PIEZO1: variants seen among roughly 807,000 people sequenced by gnomAD.
PIEZO1 encodes piezo-type mechanosensitive ion channel component 1.
A neutral mutation model predicts 297.2 loss-of-function variants in PIEZO1; 296 were observed. The ratio of observed to expected loss-of-function variants is 1.00; its 90% CI spans 0.91 to 1.10. The LOEUF (loss-of-function observed/expected upper bound fraction) is 1.10. Among genes scored for constraint, PIEZO1 ranks in the 50% least tolerant of loss-of-function variants. PIEZO1 has a pLI of 0.00. For missense variants in PIEZO1, 5,018 were observed against 3,455.5 expected, an observed-to-expected ratio of 1.45 and a Z score of -11.34; for synonymous variants, 2,427 against 1,507.5, an observed-to-expected ratio of 1.61 and a Z score of -14.13.
At chr16:88,782,757 G>C (rs1215176816) in intron 1 of PIEZO1, among the ~76,000 whole-genome samples, 1 of 152,214 alleles carries the variant, frequency 6.6e-6, no homozygotes, top group East Asian at 1.9e-4. Flanking sequence ...CCCACCTCCG[G>C]CCAGGCCAGC....
Position 88,734,010 on chromosome 16 carries a change from T to C in PIEZO1, c.2225A>G (p.Gln742Arg), listed in dbSNP as rs1361051875. 1 of 1,548,146 alleles carries C rather than the reference T, an allele frequency of 6.5e-7. No homozygotes were observed. Among genetic ancestry groups the C allele is most frequent in the Admixed American group, 2.0e-5 (1 of 50,866 alleles). The change falls in exon 17 of 51, where the codon CAG becomes CGG. Residue 742 changes from glutamine to arginine, a missense_variant. Physicochemically the swap from Gln to Arg is conservative, Grantham distance 43. Coordinates refer to ENST00000301015, the MANE Select transcript of PIEZO1 (RefSeq NM_001142864.4). ...CTCCTGCTGCTGCTGCTGATGCTCC[T>C]GCTGCTCCTCCCGCAGCAGTGGGGT... Reference protein sequence around the residue: ...SGTPLLREEQQEHQQQQQEEE... With the variant: ...SGTPLLREEQREHQQQQQEEE...
intron 2 of PIEZO1, among the ~76,000 whole-genome samples, chr16:88,747,974 C>G (rs1906151611): frequency 6.6e-6 from 1 of 152,234 alleles, no homozygotes; most frequent in East Asian, 1.9e-4. Context: ...AAAAACGCAG[C>G]CCGGTGGACA....
Position 88,720,096 on chromosome 16 carries a change from A to C in PIEZO1, c.6137T>G (p.Phe2046Cys). Residue 2046 changes from phenylalanine (F) to cysteine (C), a missense_variant, in exon 42 of 51, where the codon TTC (phenylalanine) becomes TGC (cysteine). Transcript: ENST00000301015. The stretch of plus-strand genomic sequence containing the variant: ...CTCAGTGACGGCGGGCAGGATGAAG[A>C]ACATCCATAGGTGGATGGCCAGCAC... ...ALVLAIHLWMFFILPAVTERM... is the reference protein window; with the variant it reads ...ALVLAIHLWMCFILPAVTERM... 6.5e-7 allele frequency: 1 copy of C among 1,550,344 alleles called. No homozygotes were observed. Among genetic ancestry groups the C allele is most frequent in the Middle Eastern group, 1.7e-4 (1 of 5,992 alleles).
At chr16:88,750,832 C>T (rs1013028662) in intron 1 of PIEZO1, among the ~76,000 whole-genome samples, 1 of 152,194 alleles carries the variant, frequency 6.6e-6, no homozygotes, top group African/African-American at 2.4e-5. Flanking sequence ...GCGCCAGCAG[C>T]CCATCCTCCA....
At chr16:88,752,620 A>G (rs1351977646) in intron 1 of PIEZO1, among the ~76,000 whole-genome samples, 2 of 151,916 alleles carry the variant, frequency 1.3e-5, no homozygotes, top group African/African-American at 4.8e-5. Context: ...GGGGCTGAGG[A>G]TGGAGATGAG....
chr16:88,721,378 T>G lies in PIEZO1; in HGVS notation c.5456A>C (p.Lys1819Thr). The stretch of plus-strand genomic sequence containing the variant: ...GGCTCCCTGCTCCTCCTCGCCGCTC[T>G]TGTCATGCTCCTTGGATGGTGAGTC... ...EEDSPSKEHD[K>T]SGEEEQGAEE... The change falls in exon 39 of 51, where the codon AAG becomes ACG. Residue 1819 changes from lysine (K) to threonine (T), a missense_variant. Physicochemically the swap from Lys to Thr is moderately conservative, Grantham distance 78. Transcript: ENST00000301015. 2 of 1,549,874 alleles carry G rather than the reference T, an allele frequency of 1.3e-6. No individual in the cohort carries two copies. Among genetic ancestry groups the G allele is most frequent in the East Asian group, 2.4e-5 (1 of 40,902 alleles).
At chr16:88,777,583 T>C (rs1482485243) in intron 1 of PIEZO1, among the ~76,000 whole-genome samples, 1 of 152,248 alleles carries the variant, frequency 6.6e-6, no homozygotes, top group Admixed American at 6.5e-5. Context: ...GCAGGGGCAG[T>C]GGGATGGACG....
Position 88,722,390 on chromosome 16 carries a change from C to T in PIEZO1, c.4783G>A (p.Gly1595Ser), listed in dbSNP as rs1209071804. 1 of 1,501,844 alleles carries T rather than the reference C, an allele frequency of 6.7e-7. No homozygotes were observed. The highest frequency in any genetic ancestry group is 8.9e-7 in the Non-Finnish European group (1 of 1,121,166). 93.0% of individuals were successfully genotyped at this position (1,501,844 alleles called of 1,614,324 possible). A position where few individuals can be genotyped will look rare whatever the true frequency, so the allele number is the denominator to read the frequency against. ...NAPSTVSSGLGAEEPLSSMTD... is the reference protein window; with the variant it reads ...NAPSTVSSGLSAEEPLSSMTD... ...ATGCTGCTGAGTGGCTCCTCCGCGC[C>T]CAGCCCACTGGGGAGGGAAGCCGAG... Residue 1595 changes from glycine (G) to serine (S), a missense_variant, in exon 36 of 51, where the codon GGC becomes AGC. Coordinates refer to ENST00000301015, the MANE Select transcript of PIEZO1 (RefSeq NM_001142864.4).
chr16:88,774,207 G>C (rs550062036), intron 1 of PIEZO1, among the ~76,000 whole-genome samples: 3 of 152,292 alleles, frequency 2.0e-5, no homozygotes, highest in East Asian at 3.9e-4. Context: ...GCGACGCCCA[G>C]TGACTCCCTG....
In PIEZO1 at chr16:88,738,026, A is replaced by C; in HGVS notation, c.928T>G (p.Trp310Gly). The C allele has an allele frequency of 6.5e-7, 1 of 1,535,670 alleles. No individual in the cohort carries two copies. Among genetic ancestry groups the C allele is most frequent in the Non-Finnish European group, 8.7e-7 (1 of 1,146,756 alleles). Residue 310 changes from tryptophan to glycine, a missense_variant, in exon 8 of 51, where the codon TGG becomes GGG. By Grantham distance (184) the Trp-to-Gly change is radical. Coordinates refer to ENST00000301015, the MANE Select transcript of PIEZO1 (RefSeq NM_001142864.4). ...HALVLNTGLD[W>G]PVYASPGVLL... ...ACGCCGGGGCTGGCATACACAGGCCAGTCCAGGCCGGTGTTGAGGACCAGC... is the reference window on the plus strand; with the variant it reads ...ACGCCGGGGCTGGCATACACAGGCCCGTCCAGGCCGGTGTTGAGGACCAGC...
At chr16:88,777,059 G>A (rs780795235) in intron 1 of PIEZO1, among the ~76,000 whole-genome samples, 13 of 150,894 alleles carry the variant, frequency 8.6e-5, no homozygotes, top group African/African-American at 2.7e-4. Flanking sequence ...TGCAAACTCC[G>A]TCTCCCGGAT....
rs1335902413 is a variant in PIEZO1, at chr16:88,716,053, C to G, written c.7196G>C (p.Gly2399Ala). 2.6e-6 allele frequency: 4 copies of G among 1,550,094 alleles called. No homozygotes were observed. Among genetic ancestry groups the G allele is most frequent in the African/African-American group, 2.7e-5 (2 of 73,062 alleles). ...CTCGATGACCCACCATTCGAGGAAG[C>G]CGGTGGCCCCCGCACCCTGCTCCCT... is the stretch of plus-strand genomic sequence containing the variant. Reference protein sequence around the residue: ...LRREQGAGATGFLEWWVIELQ... With the variant: ...LRREQGAGATAFLEWWVIELQ... The change falls in exon 50 of 51, where the codon GGC (glycine) becomes GCC (alanine). Residue 2399 changes from glycine (G) to alanine (A), a missense_variant. Transcript: ENST00000301015.
rs1254574443 is a variant in PIEZO1 at position 88,721,325 on chromosome 16, T to C, written c.5509A>G (p.Thr1837Ala). Residue 1837 changes from threonine (T) to alanine (A), a missense_variant, in exon 39 of 51, where the codon ACC becomes GCC. Physicochemically the swap from Thr to Ala is moderately conservative, Grantham distance 58. Transcript: ENST00000301015. The part of the protein sequence containing the change: ...AEEGPGVPAA[T>A]TEDHIQVEAR... ...TCCACCTGAATGTGGTCTTCGGTGG[T>C]GGCCGCAGGCACCCCTGGCCCCTCC... 13 of 1,546,682 alleles carry C rather than the reference T, an allele frequency of 8.4e-6. No homozygotes were observed. The highest frequency in any genetic ancestry group is 1.1e-5 in the Non-Finnish European group (13 of 1,146,688).
chr16:88,724,016 C>G, intron 30 of PIEZO1, 45 bp from the exon 31 acceptor site: 1 of 1,212,056 alleles, frequency 8.3e-7, no homozygotes, highest in Non-Finnish European at 1.2e-6. Flanking sequence ...TGCAGGGAGA[C>G]TCCCAGCCAG....
intron 1 of PIEZO1, among the ~76,000 whole-genome samples, chr16:88,751,512 C>T (rs961538993): frequency 7.9e-5 from 12 of 152,268 alleles, no homozygotes; most frequent in Non-Finnish European, 1.3e-4. Context: ...TGCCGGGCTC[C>T]GGGGGGCACC....
At chr16:88,743,069 C>T (rs1905797011) in intron 2 of PIEZO1, 2 of 456,098 alleles carry the variant, frequency 4.4e-6, no homozygotes, top group Non-Finnish European at 8.8e-6. Flanking sequence ...TCTCTGTGCA[C>T]CCACACCTGG....
chr16:88,750,803 G>A (rs559886542), intron 1 of PIEZO1, among the ~76,000 whole-genome samples: 4 of 152,162 alleles, frequency 2.6e-5, no homozygotes, highest in Middle Eastern at 3.2e-3. Context: ...CTGGAAAGGC[G>A]CCTCATGCTG....
chr16:88,750,663 A>G (rs1375478618), intron 1 of PIEZO1, among the ~76,000 whole-genome samples: 1 of 152,228 alleles, frequency 6.6e-6, no homozygotes, highest in Non-Finnish European at 1.5e-5. Flanking sequence ...GCCACGTGCT[A>G]GCCAGGCCTG....
At chr16:88,731,296 G>A (rs1387851978) in intron 22 of PIEZO1, 1 of 224,140 alleles carries the variant, frequency 4.5e-6, no homozygotes, top group African/African-American at 2.3e-5. Flanking sequence ...ACTGCCAGGA[G>A]ACGGGACCAC....
Sources: allele counts gnomAD v4.1 joint callset (sites outside exome capture counted in the v4.1 genomes callset), GRCh38; gene constraint gnomAD v4.1.1; transcripts MANE v1.5; gene names NCBI Gene and HGNC (gene_info 2026-07-23, HGNC 2026-07-21).